MSI2: variants seen among roughly 807,000 people sequenced by gnomAD.
MSI2 encodes RNA-binding protein Musashi homolog 2.
In MSI2, 17 loss-of-function variants were observed where a neutral mutation model predicts 45.6. That is an observed-to-expected ratio of 0.37 (90% CI 0.26 to 0.56). MSI2 has a LOEUF of 0.56. Among genes scored for constraint, MSI2 ranks in the 20% least tolerant of loss-of-function variants. The pLI is 0.77. For missense variants in MSI2, 293 were observed against 444.2 expected, an observed-to-expected ratio of 0.66 and a Z score of 3.06; for synonymous variants, 156 against 158.2, an observed-to-expected ratio of 0.99 and a Z score of 0.11.
intron 10 of MSI2, among the ~76,000 whole-genome samples, chr17:57,633,425 C>G (rs1360960408): frequency 6.6e-6 from 1 of 152,268 alleles, no homozygotes; most frequent in Admixed American, 6.5e-5. Context: ...CACAGTATCG[C>G]CCCGATGCTC....
intron 5 of MSI2, among the ~76,000 whole-genome samples, chr17:57,352,385 C>G (rs1413987033): frequency 6.6e-6 from 1 of 152,046 alleles, no homozygotes; most frequent in African/African-American, 2.4e-5. Flanking sequence ...ATAGAGGACT[C>G]GATGTTTGTT....
At chr17:57,657,063 G>T (rs182532976) in intron 11 of MSI2, among the ~76,000 whole-genome samples, 1 of 152,204 alleles carries the variant, frequency 6.6e-6, no homozygotes, top group Non-Finnish European at 1.5e-5. Flanking sequence ...AACCTTCAGG[G>T]TGCAAGTTAT....
chr17:57,551,508 C>T (rs1023503349), intron 7 of MSI2, among the ~76,000 whole-genome samples: 1 of 152,064 alleles, frequency 6.6e-6, no homozygotes, highest in Non-Finnish European at 1.5e-5. Flanking sequence ...GCTGTTCAGC[C>T]GAGGGTAGAA....
At chr17:57,699,738 G>A in the MSI2 span, among the ~76,000 whole-genome samples, 4 of 152,150 alleles carry the variant, frequency 2.6e-5, no homozygotes, top group Admixed American at 6.5e-5. Flanking sequence ...TGTGTCTGCC[G>A]ATGTCCTTTG....
chr17:57,436,976 A>T (rs2084702284), intron 6 of MSI2, among the ~76,000 whole-genome samples: 2 of 152,146 alleles, frequency 1.3e-5, no homozygotes, highest in African/African-American at 2.4e-5. Context: ...GACATCAGAG[A>T]CACTTACAGC....
Position 57,615,271 on chromosome 17 carries a change from G to A in MSI2, c.538-699G>A, listed in dbSNP as rs935819914. Among the ~76,000 whole-genome samples the A allele has an allele frequency of 2.6e-5, 4 of 152,024 alleles. No homozygotes were observed. The South Asian group carries it at 6.3e-4, about 24-fold the overall frequency. On this transcript the variant is annotated intron_variant, in intron 8 of 13. Coordinates refer to ENST00000284073, the MANE Select transcript of MSI2 (RefSeq NM_138962.4). ...GCCTCCCAGGTAGCTGGGACTACAGGTGTGTGCCACCACACCTGCCTAGTT... is the reference window on the plus strand; with the variant it reads ...GCCTCCCAGGTAGCTGGGACTACAGATGTGTGCCACCACACCTGCCTAGTT...
chr17:57,597,547 C>A (rs967600060), intron 8 of MSI2, among the ~76,000 whole-genome samples: 4 of 151,244 alleles, frequency 2.6e-5, no homozygotes, highest in Non-Finnish European at 4.4e-5. Flanking sequence ...GATCACCTGA[C>A]CCCAGGAGGT....
chr17:57,658,503 GC>G (rs1951789169), intron 11 of MSI2, among the ~76,000 whole-genome samples: 1 of 152,216 alleles, frequency 6.6e-6, no homozygotes, highest in South Asian at 2.1e-4. Context: ...GCTGACAGCT[GC>G]CCGCTGCTGA....
At chr17:57,640,543 G>A (rs1412232749) in intron 10 of MSI2, among the ~76,000 whole-genome samples, 6 of 152,128 alleles carry the variant, frequency 3.9e-5, no homozygotes, top group East Asian at 1.9e-4. Flanking sequence ...AGCGCCCAAC[G>A]CCATCATCTC....
intron 5 of MSI2, among the ~76,000 whole-genome samples, chr17:57,293,729 T>C (rs1046859159): frequency 3.8e-4 from 58 of 151,504 alleles, no homozygotes; most frequent in African/African-American, 1.4e-3. Flanking sequence ...CTGCCTCAGC[T>C]TCCCGAGTAG....
At chr17:57,546,506 A>C (rs1011879570) in intron 7 of MSI2, among the ~76,000 whole-genome samples, 1 of 152,220 alleles carries the variant, frequency 6.6e-6, no homozygotes, top group Non-Finnish European at 1.5e-5. Context: ...TACACCAGAA[A>C]AATAGGGCTC....
At chr17:57,661,269 A>G (rs570640154) in intron 11 of MSI2, among the ~76,000 whole-genome samples, 1 of 152,254 alleles carries the variant, frequency 6.6e-6, no homozygotes, top group East Asian at 1.9e-4. Flanking sequence ...AGCCTTTAAT[A>G]AGGATAGATT....
At position 57,616,038 on chromosome 17, in the gene MSI2, A is replaced by T; in HGVS notation, c.606A>T (p.Gly202=). 1.2e-6 allele frequency: 2 copies of T among 1,614,150 alleles called. No homozygotes were observed. Among genetic ancestry groups the T allele is most frequent in the African/African-American group, 2.7e-5 (2 of 75,040 alleles). The change falls in exon 9 of 14, where the codon GGA becomes GGT. Residue 202 remains glycine, a synonymous_variant. Transcript: ENST00000284073. The part of the protein sequence containing the change: ...FPPGTRGRAR[G]LPYTMDAFML... ...CTGGGACAAGAGGCCGGGCCCGGGG[A>T]CTGCCTTACACCATGGACGCGTTCA...
At chr17:57,561,633 G>A (rs1244146581) in intron 7 of MSI2, among the ~76,000 whole-genome samples, 1 of 152,194 alleles carries the variant, frequency 6.6e-6, no homozygotes, top group African/African-American at 2.4e-5. Context: ...AGGAAACATG[G>A]GCCAGAAGTC....
intron 5 of MSI2, among the ~76,000 whole-genome samples, chr17:57,309,250 A>G (rs1181137686): frequency 6.6e-6 from 1 of 152,170 alleles, no homozygotes; most frequent in Non-Finnish European, 1.5e-5. Flanking sequence ...TTTTGCCTCA[A>G]GTTTGGGGCT....
At chr17:57,575,595 C>T (rs912370167) in intron 7 of MSI2, among the ~76,000 whole-genome samples, 4 of 152,186 alleles carry the variant, frequency 2.6e-5, no homozygotes, top group African/African-American at 9.7e-5. Flanking sequence ...TACTCCCCTG[C>T]ACCTCAGACC....
rs184607535 is a variant in MSI2 at position 57,684,111 on chromosome 17, G to C, written c.*4594G>C. ...TCCGGGAGGCAGGGGCATGATGGGG[G>C]AGGGGGCCGGAGGCTGAGAGACAAA... On this transcript the variant is annotated 3_prime_UTR_variant, in exon 14 of 14. Coordinates refer to ENST00000284073, the MANE Select transcript of MSI2 (RefSeq NM_138962.4). The C allele has an allele frequency of 9.0e-6, 2 of 221,228 alleles. No homozygotes were observed. Among genetic ancestry groups the C allele is most frequent in the Non-Finnish European group, 1.8e-5 (2 of 110,394 alleles). The allele number at this position is 221,228 out of a possible 1,614,324, so 13.7% of individuals were successfully genotyped here.
In MSI2 at chr17:57,616,079, T is replaced by A; in HGVS notation, c.647T>A (p.Met216Lys). The A allele has an allele frequency of 6.2e-7, 1 of 1,613,630 alleles. No homozygotes were observed. Among genetic ancestry groups the A allele is most frequent in the Non-Finnish European group, 8.5e-7 (1 of 1,179,642 alleles). ...TMDAFMLGMGMLGYPNFVATY... is the reference protein window; with the variant it reads ...TMDAFMLGMGKLGYPNFVATY... Reference sequence around the variant, plus strand: ...GACGCGTTCATGCTTGGCATGGGGATGCTGGGTGAGTCTGGACAGGACCGC... The same window carrying A: ...GACGCGTTCATGCTTGGCATGGGGAAGCTGGGTGAGTCTGGACAGGACCGC... The change falls in exon 9 of 14, where the codon ATG becomes AAG. Residue 216 changes from methionine (M) to lysine (K), a missense_variant. Met to Lys is a moderately conservative substitution (Grantham distance 95). Coordinates refer to ENST00000284073, the MANE Select transcript of MSI2 (RefSeq NM_138962.4).
At chr17:57,316,735 A>G (rs189948801) in intron 5 of MSI2, among the ~76,000 whole-genome samples, 11 of 152,250 alleles carry the variant, frequency 7.2e-5, no homozygotes, top group Admixed American at 2.6e-4. Flanking sequence ...AGGGAGGTTA[A>G]TCTAATCGCA....
Sources: allele counts gnomAD v4.1 joint callset (sites outside exome capture counted in the v4.1 genomes callset), GRCh38; gene constraint gnomAD v4.1.1; transcripts MANE v1.5; gene names NCBI Gene and HGNC (gene_info 2026-07-23, HGNC 2026-07-21).